Variants in SPATA16 observed in about 807,000 individuals in gnomAD.
SPATA16 encodes the protein spermatogenesis-associated protein 16.
A neutral mutation model predicts 63.3 loss-of-function variants in SPATA16; 36 were observed. The observed-to-expected ratio is 0.57, with a 90% CI of 0.44 to 0.75. The LOEUF is 0.75. SPATA16 is among the 30% of genes least tolerant of loss of function. The pLI, the probability that SPATA16 is intolerant of heterozygous loss-of-function variation, is 0.00. For synonymous variants in SPATA16, 203 were observed against 216.7 expected, an observed-to-expected ratio of 0.94 and a Z score of 0.56; for missense variants, 646 against 679.3, an observed-to-expected ratio of 0.95 and a Z score of 0.54.
intron 2 of SPATA16, among the ~76,000 whole-genome samples, chr3:173,113,350 CG>C (rs1553804505): frequency 6.6e-6 from 1 of 152,114 alleles, no homozygotes; most frequent in Non-Finnish European, 1.5e-5. Context: ...TAAGAGCATA[CG>C]ATGACTGTTT....
chr3:172,950,760 G>A (rs755668152), intron 6 of SPATA16, among the ~76,000 whole-genome samples: 14 of 151,942 alleles, frequency 9.2e-5, no homozygotes, highest in South Asian at 2.1e-4. Context: ...TTATTTATGC[G>A]AACATACATA....
In SPATA16 at chr3:173,034,798, G is replaced by T. The variant is rs375383609; in HGVS notation, c.758+14151C>A. 6.6e-5 allele frequency among the ~76,000 whole-genome samples: 10 copies of T among 152,194 alleles called. 1 individual carries two copies. Among genetic ancestry groups the T allele is most frequent in the East Asian group, 1.9e-4 (1 of 5,176 alleles). ...GGAATTATCTCAATACTGGATTCAA[G>T]GTTTAGTTATAGATCAAACTACTGT... On this transcript the variant is annotated intron_variant, in intron 3 of 10. Coordinates refer to ENST00000351008, the MANE Select transcript of SPATA16 (RefSeq NM_031955.6).
rs1028399947 is a variant in SPATA16, at chr3:173,132,776, C to G, written c.-19+8327G>C. ...AAAATTAAAATATTTTTGGATTAAC[C>G]CCAAAGAGGAGAGAAATAAAAGGGA... is the stretch of plus-strand genomic sequence containing the variant. On this transcript the variant is annotated intron_variant, in intron 1 of 10. Transcript: ENST00000351008. Among the ~76,000 whole-genome samples the G allele has an allele frequency of 1.1e-4, 16 of 151,574 alleles. No individual in the cohort carries two copies. The East Asian group carries it at 2.7e-3, about 26-fold the overall frequency.
rs565713501 is a variant in SPATA16 at position 173,074,855 on chromosome 3, G to A, written c.613-25761C>T. Among the ~76,000 whole-genome samples, 40 of 151,842 alleles carry A rather than the reference G, an allele frequency of 2.6e-4. 1 individual carries two copies. In the South Asian group the frequency reaches 3.5e-3, roughly 13 times the overall value. ...TCTACTAAAAATACACAAATTAGCCGGGCATAGTGGCGTATGCCTGTAATC... is the reference window on the plus strand; with the variant it reads ...TCTACTAAAAATACACAAATTAGCCAGGCATAGTGGCGTATGCCTGTAATC... On this transcript the variant is annotated intron_variant, in intron 2 of 10. Transcript: ENST00000351008.
chr3:173,013,693 C>T (rs1735121204), intron 4 of SPATA16, among the ~76,000 whole-genome samples: 2 of 152,216 alleles, frequency 1.3e-5, no homozygotes, highest in South Asian at 2.1e-4. Flanking sequence ...CGGGCTTATC[C>T]CATAACCTTC....
intron 2 of SPATA16, among the ~76,000 whole-genome samples, chr3:173,067,779 C>G (rs1736559436): frequency 6.6e-6 from 1 of 151,988 alleles, no homozygotes; most frequent in Non-Finnish European, 1.5e-5. Flanking sequence ...GAACGACAAG[C>G]AGATCCAACA....
chr3:172,988,474 C>T (rs1458043643), intron 4 of SPATA16, among the ~76,000 whole-genome samples: 1 of 152,148 alleles, frequency 6.6e-6, no homozygotes, highest in African/African-American at 2.4e-5. Flanking sequence ...CCTCAATATG[C>T]CAATCGTGCT....
At chr3:173,080,286 C>T (rs1242585145) in intron 2 of SPATA16, among the ~76,000 whole-genome samples, 2 of 152,288 alleles carry the variant, frequency 1.3e-5, no homozygotes, top group East Asian at 3.9e-4. Flanking sequence ...AAAGAATAGA[C>T]AAATTGCTCA....
intron 2 of SPATA16, among the ~76,000 whole-genome samples, chr3:173,074,045 G>A (rs1291521512): frequency 6.6e-6 from 1 of 152,164 alleles, no homozygotes; most frequent in East Asian, 1.9e-4. Flanking sequence ...CTTGCATGGG[G>A]TCTTTAGCCC....
At chr3:172,904,371 C>T (rs148619161) in intron 10 of SPATA16, among the ~76,000 whole-genome samples, 165 of 152,226 alleles carry the variant, frequency 1.1e-3, no homozygotes, top group African/African-American at 3.7e-3. Context: ...TTATTAGGTA[C>T]ATGTGAATGG....
rs75095262 is a variant in SPATA16 at position 172,976,701 on chromosome 3, G to A, written c.933+267C>T. Reference sequence around the variant, plus strand: ...AATAATCCTAATATTATAGTAGCACGCCTGGAAAAGTAGTTCCTGGGATCT... The same window carrying A: ...AATAATCCTAATATTATAGTAGCACACCTGGAAAAGTAGTTCCTGGGATCT... On this transcript the variant is annotated intron_variant, in intron 5 of 10. Transcript: ENST00000351008. Among the ~76,000 whole-genome samples the A allele has an allele frequency of 9.8e-3, 1,495 of 152,012 alleles. 22 individuals are homozygous for A. The highest frequency in any genetic ancestry group is 0.033 in the African/African-American group (1,365 of 41,478).
At chr3:172,958,083 C>T (rs1733642757) in intron 5 of SPATA16, among the ~76,000 whole-genome samples, 1 of 152,148 alleles carries the variant, frequency 6.6e-6, no homozygotes. Context: ...ACTTGCATGG[C>T]CTTCAACATT....
intron 3 of SPATA16, among the ~76,000 whole-genome samples, chr3:173,021,221 T>C (rs1328722186): frequency 6.6e-6 from 1 of 152,212 alleles, no homozygotes; most frequent in Non-Finnish European, 1.5e-5. Flanking sequence ...CAGCAGAAAG[T>C]AGAGGAAGAC....
chr3:172,959,778 G>A (rs1733703671), intron 5 of SPATA16, among the ~76,000 whole-genome samples: 2 of 117,200 alleles, frequency 1.7e-5, no homozygotes, highest in African/African-American at 3.7e-5. Flanking sequence ...AAGAAATAGA[G>A]TAATATAACA....
intron 2 of SPATA16, among the ~76,000 whole-genome samples, chr3:173,057,478 T>A (rs553288615): frequency 7.3e-4 from 109 of 149,736 alleles, no homozygotes; most frequent in African/African-American, 2.7e-3. Context: ...TATTCCTATC[T>A]ATTAGGCTCT....
chr3:173,134,992 TG>T (rs1311590106), intron 1 of SPATA16, among the ~76,000 whole-genome samples: 5 of 152,226 alleles, frequency 3.3e-5, no homozygotes, highest in African/African-American at 1.2e-4. Context: ...TAATAATTTT[TG>T]TTCATCAAAA....
In SPATA16 at chr3:172,925,450, G is replaced by A. The variant is rs760700312; in HGVS notation, c.1124C>T (p.Ser375Leu). Residue 375 changes from serine to leucine, a missense_variant, in exon 7 of 11, where the codon TCA becomes TTA. By Grantham distance (145) the Ser-to-Leu change is moderately radical. Coordinates refer to ENST00000351008, the MANE Select transcript of SPATA16 (RefSeq NM_031955.6). ...GAGATATTGTTGGGGAGGAAAAGAT[G>A]ACCAGTCAACTGTCTGAGGCAACAT... ...LHMLPQTVDW[S>L]SFPPQQYLLT... 9.3e-6 allele frequency: 15 copies of A among 1,613,866 alleles called. No homozygotes were observed. In the East Asian group the frequency reaches 2.2e-4, roughly 24 times the overall value.
chr3:172,907,739 C>A (rs1732275095), intron 10 of SPATA16, among the ~76,000 whole-genome samples: 1 of 152,030 alleles, frequency 6.6e-6, no homozygotes, highest in South Asian at 2.1e-4. Flanking sequence ...CCATGCCCAG[C>A]TAATTTTTTT....
At chr3:173,005,327 GAA>G (rs531594936) in intron 4 of SPATA16, among the ~76,000 whole-genome samples, 9 of 78,844 alleles carry the variant, frequency 1.1e-4, no homozygotes, top group African/African-American at 4.1e-4. Context: ...TGTCTCAAAA[GAA>G]AAAAAAAAAA....
Sources: allele counts gnomAD v4.1 joint callset (sites outside exome capture counted in the v4.1 genomes callset), GRCh38; gene constraint gnomAD v4.1.1; transcripts MANE v1.5; gene names NCBI Gene and HGNC (gene_info 2026-07-23, HGNC 2026-07-21).